ACOX3: variants seen among roughly 807,000 people sequenced by gnomAD.
The protein encoded by ACOX3 is acyl-CoA oxidase 3, pristanoyl.
Under a neutral mutation model 81.5 loss-of-function variants are expected in ACOX3, and 73 were observed. The ratio of observed to expected loss-of-function variants is 0.90; its 90% CI spans 0.74 to 1.09. The LOEUF is 1.09. Ranked by LOEUF, ACOX3 falls within the 50% of genes least tolerant of loss-of-function variation. The pLI is 0.00. For synonymous variants in ACOX3, 387 were observed against 375.1 expected (o/e 1.03, Z -0.37); for missense variants, 947 against 928.0 (o/e 1.02, Z -0.27).
Position 8,385,533 on chromosome 4 carries a change from T to TGCAGGAA in ACOX3, c.1537+3633_1537+3639dup, listed in dbSNP as rs1718203155. Among the ~76,000 whole-genome samples, 1 of 152,216 alleles carries TGCAGGAA rather than the reference T, an allele frequency of 6.6e-6. No individual in the cohort carries two copies. The highest frequency in any genetic ancestry group is 1.5e-5 in the Non-Finnish European group (1 of 68,038). On this transcript the variant is annotated intron_variant, in intron 13 of 17. Transcript: ENST00000356406. This position sits in a 1 kb window ranked among gnomAD's most constrained non-coding sequence, Gnocchi z 5.5. ...GAGCCAGCTAAACAACAGGGCCCAC[T>TGCAGGAA]GCAGGAAGCAACAGCACAGGCCCCC...
In ACOX3 at chr4:8,416,058, C is replaced by G. The variant is rs868677560; in HGVS notation, c.145-59G>C. ...GAGTAAAAGATGGACTCTCCATGTGCCCTTATATAGTTGACCTCCAGGCCA... is the reference window on the plus strand; with the variant it reads ...GAGTAAAAGATGGACTCTCCATGTGGCCTTATATAGTTGACCTCCAGGCCA... On this transcript the variant is annotated intron_variant, in intron 2 of 17. Transcript: ENST00000356406. This position sits in a 1 kb window ranked among gnomAD's most constrained non-coding sequence, Gnocchi z 4.2. 2.6e-6 allele frequency: 4 copies of G among 1,535,696 alleles called. No homozygotes were observed. The highest frequency in any genetic ancestry group is 2.7e-5 in the African/African-American group (2 of 73,088).
chr4:8,427,450 C>A (rs752915991), intron 1 of ACOX3, among the ~76,000 whole-genome samples: 4 of 152,188 alleles, frequency 2.6e-5, no homozygotes, highest in Non-Finnish European at 5.9e-5. Flanking sequence ...TGACTTCCAC[C>A]CCCCTCCAGA....
downstream of ACOX3, among the ~76,000 whole-genome samples, chr4:8,364,403 G>A (rs1039149211): frequency 7.2e-5 from 11 of 152,244 alleles, no homozygotes; most frequent in African/African-American, 1.9e-4. This position sits in a 1 kb window ranked among gnomAD's most constrained non-coding sequence, Gnocchi z 5.0. Flanking sequence ...CACAGTTGGC[G>A]AATGAGGACC....
At chr4:8,373,802 A>G in intron 15 of ACOX3, 174 bp from the exon 16 acceptor site, 1 of 631,358 alleles carries the variant, frequency 1.6e-6, no homozygotes. Context: ...TGTGCTGCTC[A>G]GGGGCCGAGT....
intron 5 of ACOX3, among the ~76,000 whole-genome samples, chr4:8,413,976 G>A (rs1043225165): frequency 6.6e-6 from 1 of 152,184 alleles, no homozygotes; most frequent in East Asian, 1.9e-4. Context: ...AATCCACTAC[G>A]CATAGGCAGC....
chr4:8,373,131 C>T (rs116725560), intron 16 of ACOX3, among the ~76,000 whole-genome samples: 4,359 of 152,270 alleles, frequency 0.029, 85 homozygotes, highest in Non-Finnish European at 0.043. Flanking sequence ...GAGGCTGAGT[C>T]CCCCGAATGC....
rs768944817 is a variant in ACOX3 at position 8,366,948 on chromosome 4, T to TA, written c.*12_*13insT. The TA allele has an allele frequency of 6.2e-7, 1 of 1,613,450 alleles. No homozygotes were observed. The highest frequency in any genetic ancestry group is 8.5e-7 in the Non-Finnish European group (1 of 1,179,594). On this transcript the variant is annotated 3_prime_UTR_variant, in exon 18 of 18. Coordinates refer to ENST00000356406, the MANE Select transcript of ACOX3 (RefSeq NM_003501.3). Reference sequence around the variant, plus strand: ...TCGTTTCATTAGACTTGGCTGAATGTGTGCCAGTCCCACTAGAGCTTCGAT... The same window carrying TA: ...TCGTTTCATTAGACTTGGCTGAATGTAGTGCCAGTCCCACTAGAGCTTCGAT...
rs1720996878 is a variant in ACOX3, at chr4:8,406,646, G to A, written c.688-603C>T. ...TCCAATGATAGGTAAGACCACATGG[G>A]TCACATGTCCACTGGACAGGGGGCC... On this transcript the variant is annotated intron_variant, in intron 6 of 17. Transcript: ENST00000356406. This position sits in a 1 kb window ranked among gnomAD's most constrained non-coding sequence, Gnocchi z 5.6. Among the ~76,000 whole-genome samples the A allele has an allele frequency of 2.0e-5, 3 of 152,216 alleles. No homozygotes were observed. Among genetic ancestry groups the A allele is most frequent in the African/African-American group, 7.2e-5 (3 of 41,458 alleles).
At chr4:8,417,353 A>G (rs939862982) in intron 1 of ACOX3, among the ~76,000 whole-genome samples, 20 of 152,364 alleles carry the variant, frequency 1.3e-4, no homozygotes, top group Middle Eastern at 6.8e-3. Context: ...CTGGCCGCTC[A>G]GGATGCTGAC....
intron 11 of ACOX3, among the ~76,000 whole-genome samples, 186 bp downstream of exon 11, chr4:8,392,147 G>A (rs183981522): frequency 2.1e-3 from 327 of 152,370 alleles, no homozygotes; most frequent in Non-Finnish European, 1.7e-3. Context: ...CCCTTGCAGT[G>A]CGAAAACAGC....
chr4:8,414,576 G>A lies in ACOX3; in HGVS notation c.454-195C>T, dbSNP rs1427335185. Reference sequence around the variant, plus strand: ...CAACCACAGCAGCCTAAACCAAGCTGACCGCAGCTGCTCCACGTCAGCAAG... The same window carrying A: ...CAACCACAGCAGCCTAAACCAAGCTAACCGCAGCTGCTCCACGTCAGCAAG... On this transcript the variant is annotated intron_variant, in intron 4 of 17. Coordinates refer to ENST00000356406, the MANE Select transcript of ACOX3 (RefSeq NM_003501.3). This position sits in a 1 kb window ranked among gnomAD's most constrained non-coding sequence, Gnocchi z 6.1. Among the ~76,000 whole-genome samples, 2 of 152,206 alleles carry A rather than the reference G, an allele frequency of 1.3e-5. No homozygotes were observed. The highest frequency in any genetic ancestry group is 2.9e-5 in the Non-Finnish European group (2 of 68,038).
intron 14 of ACOX3, among the ~76,000 whole-genome samples, chr4:8,378,500 G>A (rs550606384): frequency 5.4e-4 from 82 of 152,120 alleles, no homozygotes; most frequent in African/African-American, 1.8e-3. Context: ...GGCAGGCTGC[G>A]GGGACGCCAC....
At chr4:8,391,577 A>G (rs1578903068) in intron 11 of ACOX3, among the ~76,000 whole-genome samples, 1 of 152,238 alleles carries the variant, frequency 6.6e-6, no homozygotes, top group East Asian at 1.9e-4. Context: ...GATAATTCTA[A>G]TAATAACAGC....
chr4:8,384,877 G>A lies in ACOX3; in HGVS notation c.1538-3270C>T, dbSNP rs61028452. Among the ~76,000 whole-genome samples, 2,701 of 152,224 alleles carry A rather than the reference G, an allele frequency of 0.018. 97 individuals are homozygous for A. Among genetic ancestry groups the A allele is most frequent in the African/African-American group, 0.061 (2,529 of 41,512 alleles). The stretch of plus-strand genomic sequence containing the variant: ...GCCGCTCTGGTGCTCCTGAATGGCC[G>A]GTGCTCCCCAAAAGCACAACGCACG... On this transcript the variant is annotated intron_variant, in intron 13 of 17. Coordinates refer to ENST00000356406, the MANE Select transcript of ACOX3 (RefSeq NM_003501.3). This position sits in a 1 kb window ranked among gnomAD's most constrained non-coding sequence, Gnocchi z 5.3.
chr4:8,376,641 C>T (rs3756186), intron 14 of ACOX3, among the ~76,000 whole-genome samples: 83,748 of 152,108 alleles, frequency 0.55, 25,645 homozygotes, highest in African/African-American at 0.84. Flanking sequence ...CGCTGGGCCC[C>T]GCACACTCCT....
chr4:8,356,083 C>T, the ACOX3 span: 4 of 205,236 alleles, frequency 1.9e-5, no homozygotes, highest in Admixed American at 5.2e-5. Context: ...TCCTGTTGAA[C>T]ATGCTGGGAA....
In ACOX3 at chr4:8,370,826, C is replaced by A; in HGVS notation, c.1983+82G>T. On this transcript the variant is annotated intron_variant, in intron 17 of 17. Transcript: ENST00000356406. The surrounding 1 kb of genome is among the most constrained non-coding windows in gnomAD (Gnocchi z 6.3). ...CCACTTTCCAGAAGACACCAGACCCCTGACCCACAGGAGCATCTCAGCTCC... is the reference window on the plus strand; with the variant it reads ...CCACTTTCCAGAAGACACCAGACCCATGACCCACAGGAGCATCTCAGCTCC... 1 of 1,358,020 alleles carries A rather than the reference C, an allele frequency of 7.4e-7. No individual in the cohort carries two copies. 84.1% of individuals were successfully genotyped at this position (1,358,020 alleles called of 1,614,324 possible). A position where few individuals can be genotyped will look rare whatever the true frequency, so the allele number is the denominator to read the frequency against.
intron 9 of ACOX3, among the ~76,000 whole-genome samples, chr4:8,395,523 T>G (rs1315338172): frequency 6.6e-6 from 1 of 152,370 alleles, no homozygotes; most frequent in South Asian, 2.1e-4. Flanking sequence ...TGGCGCCAGC[T>G]GCCTCCATGC....
chr4:8,370,975 G>C lies in ACOX3; in HGVS notation c.1916C>G (p.Ala639Gly), dbSNP rs192097119. 2.2e-5 allele frequency: 35 copies of C among 1,614,100 alleles called. No homozygotes were observed. Among genetic ancestry groups the C allele is most frequent in the Admixed American group, 1.7e-4 (10 of 60,030 alleles). ...AGGAGGAGCGATCACGTCTACCAGG[G>C]CAACTGCATCGTCTTTCAGCTGTTG... is the stretch of plus-strand genomic sequence containing the variant. ...LCSQLKDDAV[A>G]LVDVIAPPDF... Residue 639 changes from alanine to glycine, a missense_variant, in exon 17 of 18, where the codon GCC becomes GGC. Transcript: ENST00000356406. The surrounding 1 kb of genome is among the most constrained non-coding windows in gnomAD (Gnocchi z 6.3).
Sources: allele counts gnomAD v4.1 joint callset (sites outside exome capture counted in the v4.1 genomes callset), GRCh38; gene constraint gnomAD v4.1.1; non-coding constraint Gnocchi (gnomAD v3.1); transcripts MANE v1.5; gene names NCBI Gene and HGNC (gene_info 2026-07-23, HGNC 2026-07-21).